The following PTPRM variants were observed in gnomAD, a reference collection of about 807,000 sequenced individuals.
PTPRM encodes protein tyrosine phosphatase receptor type M, also known as receptor-type tyrosine-protein phosphatase mu.
In PTPRM, 47 loss-of-function variants were observed where a neutral mutation model predicts 186.7. The ratio of observed to expected loss-of-function variants is 0.25; its 90% CI spans 0.20 to 0.32. The LOEUF is 0.32. PTPRM is among the 10% of genes least tolerant of loss of function. PTPRM has a pLI of 1.00. For missense variants in PTPRM, 1,494 were observed against 1,865.0 expected, an observed-to-expected ratio of 0.80 and a Z score of 3.66; for synonymous variants, 668 against 674.9, an observed-to-expected ratio of 0.99 and a Z score of 0.16.
chr18:8,406,205 G>A lies in PTPRM; in HGVS notation c.*43G>A, dbSNP rs1272435557. ...CAAACAATCCCTTTCATACCACAAA[G>A]CCAAGACGTTCCATGGTATTTGTGC... On this transcript the variant is annotated 3_prime_UTR_variant, in exon 33 of 33. Transcript: ENST00000580170. 5.1e-6 allele frequency: 8 copies of A among 1,561,514 alleles called. No homozygotes were observed. In the Admixed American group the frequency reaches 6.8e-5, roughly 13 times the overall value.
chr18:8,191,782 T>C (rs1215553809), intron 14 of PTPRM, among the ~76,000 whole-genome samples: 1 of 152,130 alleles, frequency 6.6e-6, no homozygotes, highest in African/African-American at 2.4e-5. Flanking sequence ...CAGTTTTGAC[T>C]TTAGAACCAA....
chr18:7,572,520 T>G (rs370722220), intron 1 of PTPRM, among the ~76,000 whole-genome samples: 25 of 152,160 alleles, frequency 1.6e-4, no homozygotes, highest in African/African-American at 5.8e-4. Flanking sequence ...ATGTATTAGA[T>G]TAAATATTGT....
At chr18:8,361,378 G>A (rs1012259394) in intron 23 of PTPRM, among the ~76,000 whole-genome samples, 1 of 152,212 alleles carries the variant, frequency 6.6e-6, no homozygotes, top group South Asian at 2.1e-4. Context: ...CTCGATAGCA[G>A]AAGTGCTGGG....
chr18:8,170,779 T>C (rs1244413527), intron 14 of PTPRM, among the ~76,000 whole-genome samples: 3 of 152,196 alleles, frequency 2.0e-5, no homozygotes, highest in African/African-American at 7.2e-5. Flanking sequence ...CATGAGATCA[T>C]AGCCTCTCCA....
intron 14 of PTPRM, among the ~76,000 whole-genome samples, chr18:8,152,994 G>T (rs893699617): frequency 2.6e-5 from 4 of 152,066 alleles, no homozygotes; most frequent in Admixed American, 2.0e-4. Flanking sequence ...AGGATTACAG[G>T]CATGAGCCAC....
At chr18:7,841,693 C>G (rs1226340024) in intron 2 of PTPRM, among the ~76,000 whole-genome samples, 1 of 152,158 alleles carries the variant, frequency 6.6e-6, no homozygotes, top group Non-Finnish European at 1.5e-5. Context: ...CTGACATTAG[C>G]ATAATCGTGA....
At chr18:8,028,413 A>T (rs1429873075) in intron 7 of PTPRM, among the ~76,000 whole-genome samples, 1 of 152,146 alleles carries the variant, frequency 6.6e-6, no homozygotes, top group African/African-American at 2.4e-5. Flanking sequence ...AGAGGCCCAT[A>T]ATGCTTGGGC....
At chr18:7,937,176 A>G (rs2051867023) in intron 5 of PTPRM, among the ~76,000 whole-genome samples, 1 of 152,232 alleles carries the variant, frequency 6.6e-6, no homozygotes, top group South Asian at 2.1e-4. Context: ...CTATAACACA[A>G]GCAGGGCTGA....
chr18:7,975,527 A>C (rs1447806443), intron 7 of PTPRM, among the ~76,000 whole-genome samples: 1 of 152,236 alleles, frequency 6.6e-6, no homozygotes, highest in Admixed American at 6.5e-5. Context: ...TATAATTTCA[A>C]CTACGGTAAG....
chr18:7,854,105 T>C (rs2046986778), intron 2 of PTPRM, among the ~76,000 whole-genome samples: 1 of 152,208 alleles, frequency 6.6e-6, no homozygotes, highest in African/African-American at 2.4e-5. Context: ...TTAGTTTTTA[T>C]GTACCATAAG....
At chr18:8,064,132 GT>G (rs1183039915) in intron 7 of PTPRM, among the ~76,000 whole-genome samples, 1 of 152,078 alleles carries the variant, frequency 6.6e-6, no homozygotes, top group Non-Finnish European at 1.5e-5. Context: ...TAAATGATTA[GT>G]TTTTTAAATT....
intron 2 of PTPRM, among the ~76,000 whole-genome samples, chr18:7,859,674 A>G (rs1482429234): frequency 4.6e-5 from 7 of 152,228 alleles, no homozygotes; most frequent in Non-Finnish European, 8.8e-5. Context: ...CCAGGGAACC[A>G]GTCAGAAATG....
intron 19 of PTPRM, among the ~76,000 whole-genome samples, chr18:8,286,804 G>A (rs1476775583): frequency 6.6e-6 from 1 of 151,930 alleles, no homozygotes; most frequent in African/African-American, 2.4e-5. Context: ...ATAATTATAC[G>A]TTCTAAATTT....
intron 1 of PTPRM, among the ~76,000 whole-genome samples, chr18:7,672,504 AAAG>A (rs896401839): frequency 1.4e-5 from 2 of 142,052 alleles, no homozygotes; most frequent in African/African-American, 2.5e-5. Context: ...AATGAGAAAC[AAAG>A]AAGAAGATGC....
At chr18:8,034,702 C>T (rs886293300) in intron 7 of PTPRM, among the ~76,000 whole-genome samples, 7 of 152,166 alleles carry the variant, frequency 4.6e-5, no homozygotes, top group Non-Finnish European at 1.0e-4. Flanking sequence ...AAGGCTCTCC[C>T]CTAGGGATTG....
chr18:7,637,700 A>C (rs1247481081), intron 1 of PTPRM, among the ~76,000 whole-genome samples: 2 of 152,226 alleles, frequency 1.3e-5, no homozygotes, highest in African/African-American at 4.8e-5. Context: ...AAATCTCACA[A>C]AGGAATTCAG....
chr18:8,236,512 A>T (rs976239287), intron 14 of PTPRM, among the ~76,000 whole-genome samples: 1 of 152,020 alleles, frequency 6.6e-6, no homozygotes, highest in Non-Finnish European at 1.5e-5. Context: ...TGTGTGTTTT[A>T]ATCTGATAAT....
At chr18:8,277,698 T>C (rs1180716143) in intron 19 of PTPRM, among the ~76,000 whole-genome samples, 15 of 152,240 alleles carry the variant, frequency 9.9e-5, no homozygotes, top group Non-Finnish European at 2.2e-4. Context: ...ATGAGCAAGA[T>C]TTTTCTAAAG....
chr18:8,350,634 C>T (rs1197307299), intron 23 of PTPRM, among the ~76,000 whole-genome samples: 2 of 152,194 alleles, frequency 1.3e-5, no homozygotes, highest in African/African-American at 4.8e-5. Flanking sequence ...AACATTGGCT[C>T]CTGACACACC....
Sources: gnomAD v4.1 joint callset for allele counts (sites outside exome capture counted in the v4.1 genomes callset) on GRCh38, gnomAD v4.1.1 for gene constraint, MANE v1.5 for transcripts, NCBI Gene and HGNC (gene_info 2026-07-23, HGNC 2026-07-21) for gene names.